Variants in MYRIP observed in about 807,000 individuals in gnomAD.
MYRIP encodes the protein myosin VIIA and Rab interacting protein.
MYRIP carries 49 observed loss-of-function variants against 98.0 expected under a neutral mutation model. That is an observed-to-expected ratio of 0.50 (90% CI 0.40 to 0.63). The LOEUF is 0.63. Among genes scored for constraint, MYRIP ranks in the 30% least tolerant of loss-of-function variants. The pLI is 0.00. For missense variants in MYRIP, 1,004 were observed against 1,058.2 expected (o/e 0.95, Z 0.71); for synonymous variants, 404 against 409.5 (o/e 0.99, Z 0.16).
intron 2 of MYRIP, among the ~76,000 whole-genome samples, chr3:39,974,849 A>G (rs1012893335): frequency 3.9e-5 from 6 of 152,058 alleles, no homozygotes; most frequent in Non-Finnish European, 8.8e-5. Context: ...AAATTCAACA[A>G]CCCTTCATGC....
intron 1 of MYRIP, among the ~76,000 whole-genome samples, chr3:39,857,826 T>G (rs771603545): frequency 2.6e-5 from 4 of 152,120 alleles, no homozygotes; most frequent in Non-Finnish European, 5.9e-5. Context: ...AATAGGATAT[T>G]ATAGCTATAA....
In MYRIP at chr3:40,108,761, C is replaced by T. The variant is rs138035374; in HGVS notation, c.333-42287C>T. ...GTGGGAAGTGCAGAAGCTAAAGTTG[C>T]GATTGTAAGCATTAAGACTCCTGGT... is the stretch of plus-strand genomic sequence containing the variant. On this transcript the variant is annotated intron_variant, in intron 3 of 16. Transcript: ENST00000302541. Among the ~76,000 whole-genome samples, 121 of 152,248 alleles carry T rather than the reference C, an allele frequency of 7.9e-4. 3 individuals are homozygous for T. The East Asian group carries it at 0.016, about 20-fold the overall frequency.
At chr3:40,165,132 G>A (rs57030140) in intron 5 of MYRIP, among the ~76,000 whole-genome samples, 13,167 of 152,284 alleles carry the variant, frequency 0.086, 1,190 homozygotes, top group African/African-American at 0.22. Flanking sequence ...AGCTCTTAGT[G>A]TGATGACAAC....
intron 1 of MYRIP, among the ~76,000 whole-genome samples, chr3:39,840,939 T>G (rs1251824490): frequency 1.3e-5 from 2 of 152,206 alleles, no homozygotes. Flanking sequence ...ATTATGTGTC[T>G]TGGGGTTGCT....
intron 1 of MYRIP, among the ~76,000 whole-genome samples, chr3:39,851,809 A>T (rs1475928149): frequency 1.3e-5 from 2 of 152,104 alleles, no homozygotes; most frequent in Non-Finnish European, 2.9e-5. Flanking sequence ...TGGTTCAAAT[A>T]GAGGTCAAAA....
In MYRIP at chr3:39,991,754, T is replaced by C. The variant is rs143491138; in HGVS notation, c.111-52296T>C. 2.2e-4 allele frequency among the ~76,000 whole-genome samples: 34 copies of C among 152,278 alleles called. No homozygotes were observed. The East Asian group carries it at 5.2e-3, about 23-fold the overall frequency. ...TTCCCCAACATAGCAGCACTCCAGGTGTCCCCTTATCCTGCTCTATAGCTT... is the reference window on the plus strand; with the variant it reads ...TTCCCCAACATAGCAGCACTCCAGGCGTCCCCTTATCCTGCTCTATAGCTT... On this transcript the variant is annotated intron_variant, in intron 2 of 16. Coordinates refer to ENST00000302541, the MANE Select transcript of MYRIP (RefSeq NM_015460.4).
At chr3:40,162,112 G>A (rs1208215765) in intron 4 of MYRIP, among the ~76,000 whole-genome samples, 1 of 152,108 alleles carries the variant, frequency 6.6e-6, no homozygotes, top group Non-Finnish European at 1.5e-5. Flanking sequence ...ATTCTTCACT[G>A]CTTAGGTCCG....
chr3:40,082,021 A>C (rs936696356), intron 3 of MYRIP, among the ~76,000 whole-genome samples: 1 of 152,208 alleles, frequency 6.6e-6, no homozygotes, highest in Non-Finnish European at 1.5e-5. Context: ...TTTAAGGCTG[A>C]ATAGCATTCA....
intron 11 of MYRIP, among the ~76,000 whole-genome samples, chr3:40,217,989 A>G (rs2125678256): frequency 6.6e-6 from 1 of 152,338 alleles, no homozygotes; most frequent in Non-Finnish European, 1.5e-5. Context: ...GGCCTATCAC[A>G]AAAGAGTAAT....
chr3:40,238,326 C>T (rs1255412188), intron 12 of MYRIP, among the ~76,000 whole-genome samples: 1 of 152,188 alleles, frequency 6.6e-6, no homozygotes, highest in Non-Finnish European at 1.5e-5. Context: ...CTGCTGCTCC[C>T]GGATGGAATT....
intron 11 of MYRIP, chr3:40,233,039 G>GT (rs1201030620): frequency 6.6e-6 from 1 of 152,176 alleles, no homozygotes; most frequent in African/African-American, 2.4e-5. Flanking sequence ...CTTCAATTCT[G>GT]TTGGCTCATA....
chr3:40,146,218 G>A (rs1455948531), intron 3 of MYRIP, among the ~76,000 whole-genome samples: 1 of 152,182 alleles, frequency 6.6e-6, no homozygotes, highest in Non-Finnish European at 1.5e-5. Flanking sequence ...TGGCGTGGTA[G>A]TGGCATTTTT....
intron 2 of MYRIP, among the ~76,000 whole-genome samples, chr3:39,976,820 C>T (rs1472792296): frequency 6.6e-6 from 1 of 152,106 alleles, no homozygotes; most frequent in Non-Finnish European, 1.5e-5. Context: ...ACCGCATGTT[C>T]TCACTCATAG....
chr3:40,106,043 C>T (rs1445010767), intron 3 of MYRIP, among the ~76,000 whole-genome samples: 1 of 151,778 alleles, frequency 6.6e-6, no homozygotes, highest in Non-Finnish European at 1.5e-5. Flanking sequence ...TCCCACCAGA[C>T]CCCACCTCCA....
chr3:40,037,783 A>T (rs1215630368), intron 2 of MYRIP, among the ~76,000 whole-genome samples: 1 of 152,090 alleles, frequency 6.6e-6, no homozygotes, highest in Non-Finnish European at 1.5e-5. Flanking sequence ...ACAAGAATGT[A>T]ACCATTTACA....
chr3:40,185,028 G>C (rs1275178890), intron 9 of MYRIP, among the ~76,000 whole-genome samples: 1 of 152,208 alleles, frequency 6.6e-6, no homozygotes, highest in Non-Finnish European at 1.5e-5. Context: ...GAAATGTTTA[G>C]CAGGAAGCAA....
intron 3 of MYRIP, among the ~76,000 whole-genome samples, chr3:40,051,384 G>C (rs1029155317): frequency 6.6e-5 from 10 of 152,122 alleles, no homozygotes; most frequent in Admixed American, 5.9e-4. Flanking sequence ...TAGCAATAAT[G>C]TATTTTAATT....
intron 11 of MYRIP, among the ~76,000 whole-genome samples, chr3:40,210,491 C>T (rs1304276655): frequency 6.6e-6 from 1 of 152,146 alleles, no homozygotes; most frequent in African/African-American, 2.4e-5. Context: ...CTAGCCAACC[C>T]CTCTTTTAAT....
At chr3:39,948,545 A>G (rs1242728842) in intron 2 of MYRIP, among the ~76,000 whole-genome samples, 1 of 152,178 alleles carries the variant, frequency 6.6e-6, no homozygotes, top group Non-Finnish European at 1.5e-5. Flanking sequence ...CTTAACACAC[A>G]TATTACATAG....
Sources: gnomAD v4.1 joint callset for allele counts (sites outside exome capture counted in the v4.1 genomes callset) on GRCh38, gnomAD v4.1.1 for gene constraint, MANE v1.5 for transcripts, NCBI Gene and HGNC (gene_info 2026-07-23, HGNC 2026-07-21) for gene names.